SLC25A13: variants seen among roughly 807,000 people sequenced by gnomAD.
SLC25A13 encodes solute carrier family 25 member 13, also known as electrogenic aspartate/glutamate antiporter SLC25A13, mitochondrial.
Under a neutral mutation model 85.5 loss-of-function variants are expected in SLC25A13, and 70 were observed. That is an observed-to-expected ratio of 0.82 (90% CI 0.68 to 1.00). The LOEUF is 1.00. SLC25A13 is among the 50% of genes least tolerant of loss of function. SLC25A13 has a pLI of 0.00. For synonymous variants in SLC25A13, 259 were observed against 288.7 expected (o/e 0.90, Z 1.04); for missense variants, 765 against 819.8 (o/e 0.93, Z 0.82).
chr7:96,135,662 C>G (rs1438394569), intron 14 of SLC25A13, among the ~76,000 whole-genome samples: 1 of 152,114 alleles, frequency 6.6e-6, no homozygotes, highest in Non-Finnish European at 1.5e-5. Flanking sequence ...ATAATTTTTA[C>G]CAAGAGATCA....
chr7:96,147,082 TATCCAAATGAGGAGACAC>T (rs1792835792), intron 13 of SLC25A13, among the ~76,000 whole-genome samples: 1 of 126,454 alleles, frequency 7.9e-6, no homozygotes, highest in Admixed American at 7.1e-5. Flanking sequence ...ACACAGAACG[TATCCAAATGAGGAGACAC>T]AGAACGTATC....
At chr7:96,236,538 T>C (rs1046271106) in intron 3 of SLC25A13, among the ~76,000 whole-genome samples, 1 of 152,266 alleles carries the variant, frequency 6.6e-6, no homozygotes, top group Admixed American at 6.5e-5. Flanking sequence ...GGCGGCATGG[T>C]ATTTGAAGAA....
At chr7:96,261,333 G>A (rs1304415885) in intron 3 of SLC25A13, among the ~76,000 whole-genome samples, 1 of 152,124 alleles carries the variant, frequency 6.6e-6, no homozygotes, top group Non-Finnish European at 1.5e-5. Flanking sequence ...CATAGTTGGT[G>A]TCAATATATA....
intron 2 of SLC25A13, among the ~76,000 whole-genome samples, chr7:96,282,299 C>A (rs1370704952): frequency 6.6e-6 from 1 of 152,134 alleles, no homozygotes; most frequent in East Asian, 1.9e-4. Flanking sequence ...GGGGTCCTAT[C>A]TGGCCTGCTC....
intron 11 of SLC25A13, among the ~76,000 whole-genome samples, chr7:96,181,764 C>T (rs1256285253): frequency 6.6e-6 from 1 of 152,102 alleles, no homozygotes; most frequent in East Asian, 1.9e-4. Flanking sequence ...TATTTAAAAA[C>T]ATGTATGAAT....
intron 3 of SLC25A13, among the ~76,000 whole-genome samples, chr7:96,247,459 T>C (rs138723591): frequency 8.1e-4 from 123 of 152,284 alleles, no homozygotes; most frequent in African/African-American, 2.7e-3. Flanking sequence ...TTTCATAATA[T>C]TATGGTCATA....
intron 13 of SLC25A13, among the ~76,000 whole-genome samples, chr7:96,168,098 G>GGAAAAAAAAAAAAA (rs1793836839): frequency 7.6e-4 from 15 of 19,694 alleles, no homozygotes; most frequent in Non-Finnish European, 1.9e-3. Context: ...AACTCTGTCT[G>GGAAAAAAAAAAAAA]AAAAAAAAAA....
intron 3 of SLC25A13, among the ~76,000 whole-genome samples, chr7:96,243,887 T>A (rs1246127081): frequency 2.6e-5 from 4 of 152,050 alleles, no homozygotes; most frequent in Non-Finnish European, 5.9e-5. Context: ...GATGCCTGGA[T>A]TTTATTCCTA....
rs376725590 is a variant in SLC25A13 at position 96,210,354 on chromosome 7, A to G, written c.329-1377T>C. Among the ~76,000 whole-genome samples the G allele has an allele frequency of 2.0e-5, 3 of 152,348 alleles. No homozygotes were observed. The East Asian group carries it at 5.8e-4, about 29-fold the overall frequency. Reference sequence around the variant, plus strand: ...AAGAGATAAGATATAAGGAAAATGAAGTGAATCCAGAATTAGGATTTAAAG... The same window carrying G: ...AAGAGATAAGATATAAGGAAAATGAGGTGAATCCAGAATTAGGATTTAAAG... On this transcript the variant is annotated intron_variant, in intron 4 of 17. Transcript: ENST00000265631.
intron 4 of SLC25A13, among the ~76,000 whole-genome samples, chr7:96,231,026 A>G (rs750756071): frequency 2.1e-4 from 32 of 152,028 alleles, no homozygotes; most frequent in Non-Finnish European, 3.7e-4. Flanking sequence ...CACAATAATT[A>G]CTTGAGCCTG....
At chr7:96,228,464 T>G (rs1796399376) in intron 4 of SLC25A13, among the ~76,000 whole-genome samples, 1 of 152,206 alleles carries the variant, frequency 6.6e-6, no homozygotes, top group Non-Finnish European at 1.5e-5. Flanking sequence ...AAAATAAAAA[T>G]GGCTGATACC....
chr7:96,263,146 A>G (rs1797922281), intron 3 of SLC25A13, among the ~76,000 whole-genome samples: 1 of 151,958 alleles, frequency 6.6e-6, no homozygotes, highest in Admixed American at 6.6e-5. Flanking sequence ...AAAGATCCCT[A>G]TCAACCAGCA....
chr7:96,143,920 A>G (rs1362328000), intron 14 of SLC25A13, among the ~76,000 whole-genome samples: 1 of 152,172 alleles, frequency 6.6e-6, no homozygotes, highest in African/African-American at 2.4e-5. Flanking sequence ...TCTCAACTAA[A>G]TCTAGGACAG....
At chr7:96,203,005 C>G (rs757548251) in intron 5 of SLC25A13, among the ~76,000 whole-genome samples, 20 of 152,222 alleles carry the variant, frequency 1.3e-4, no homozygotes, top group Admixed American at 2.6e-4. Flanking sequence ...CAACTGAGAC[C>G]ACAGTTGTTT....
chr7:96,163,330 G>C (rs145529229), intron 13 of SLC25A13, among the ~76,000 whole-genome samples: 108 of 152,272 alleles, frequency 7.1e-4, no homozygotes, highest in African/African-American at 2.5e-3. Flanking sequence ...TCAAGCAGGT[G>C]CTCTGGAGCA....
intron 3 of SLC25A13, among the ~76,000 whole-genome samples, chr7:96,267,791 ACT>A (rs758869834): frequency 6.7e-5 from 9 of 134,280 alleles, no homozygotes; most frequent in Non-Finnish European, 1.5e-4. Context: ...CCAGCCTGAG[ACT>A]CTGTCTCAAA....
intron 9 of SLC25A13, 51 bp from the exon 10 acceptor site, chr7:96,185,062 G>T (rs772104858): frequency 2.7e-6 from 4 of 1,491,762 alleles, no homozygotes; most frequent in South Asian, 1.2e-5. Context: ...TGACAGAAAA[G>T]AAGATAAAAC....
intron 13 of SLC25A13, among the ~76,000 whole-genome samples, chr7:96,159,392 T>A (rs898268385): frequency 2.0e-4 from 31 of 152,266 alleles, no homozygotes; most frequent in African/African-American, 7.5e-4. Context: ...GTCAAATGGA[T>A]GGGCCCTAAT....
In SLC25A13 at chr7:96,208,896, T is replaced by G. The variant is rs1445542904; in HGVS notation, c.410A>C (p.His137Pro). 1 of 1,614,014 alleles carries G rather than the reference T, an allele frequency of 6.2e-7. No homozygotes were observed. Among genetic ancestry groups the G allele is most frequent in the African/African-American group, 1.3e-5 (1 of 74,924 alleles). Residue 137 changes from histidine (H) to proline (P), a missense_variant, in exon 5 of 18, where the codon CAT becomes CCT. Coordinates refer to ENST00000265631, the MANE Select transcript of SLC25A13 (RefSeq NM_014251.3). ...FNWDSEFVQLHFGKERKRHLT... is the reference protein window; with the variant it reads ...FNWDSEFVQLPFGKERKRHLT... ...GTGTCTTTTTCTTTCTTTTCCAAAA[T>G]GTAGTTGCACAAATTCTGAATCCCA...
Sources: allele counts gnomAD v4.1 joint callset (sites outside exome capture counted in the v4.1 genomes callset), GRCh38; gene constraint gnomAD v4.1.1; transcripts MANE v1.5; gene names NCBI Gene and HGNC (gene_info 2026-07-23, HGNC 2026-07-21).